COPB1: variants seen among roughly 807,000 people sequenced by gnomAD.
COPB1 encodes the protein coat protein complex I subunit beta 1.
A neutral mutation model predicts 108.7 loss-of-function variants in COPB1; 21 were observed. That is an observed-to-expected ratio of 0.19 (90% CI 0.14 to 0.28). The LOEUF is 0.28. Ranked by LOEUF, COPB1 falls within the 10% of genes least tolerant of loss-of-function variation. COPB1 has a pLI of 1.00. For missense variants in COPB1, 919 were observed against 1,141.3 expected (o/e 0.81, Z 2.81); for synonymous variants, 378 against 386.8 (o/e 0.98, Z 0.27).
intron 6 of COPB1, among the ~76,000 whole-genome samples, chr11:14,488,225 CAAT>C (rs1850820257): frequency 1.3e-5 from 2 of 152,058 alleles, no homozygotes; most frequent in African/African-American, 4.8e-5. Context: ...GGGAAGTTCA[CAAT>C]GATTTATGTG....
chr11:14,489,428 G>A (rs1251615229), intron 5 of COPB1, among the ~76,000 whole-genome samples: 2 of 152,188 alleles, frequency 1.3e-5, no homozygotes, highest in African/African-American at 2.4e-5. Context: ...GTACATCTAC[G>A]TTCACAATAG....
At chr11:14,481,349 C>G (rs1385607052) in intron 8 of COPB1, among the ~76,000 whole-genome samples, 1 of 152,202 alleles carries the variant, frequency 6.6e-6, no homozygotes, top group Non-Finnish European at 1.5e-5. Context: ...CTCCAACTTA[C>G]AGTTTATAGA....
At chr11:14,459,517 A>AT (rs1239641656) in intron 20 of COPB1, among the ~76,000 whole-genome samples, 1 of 152,184 alleles carries the variant, frequency 6.6e-6, no homozygotes, top group Admixed American at 6.5e-5. Context: ...AAGTCACAGT[A>AT]TAACAACGAT....
rs539513703 is a variant in COPB1 at position 14,481,598 on chromosome 11, T to C, written c.958-501A>G. 1.3e-3 allele frequency among the ~76,000 whole-genome samples: 192 copies of C among 152,332 alleles called. 2 individuals are homozygous for C. Among genetic ancestry groups the C allele is most frequent in the Non-Finnish European group, 8.1e-4 (55 of 68,034 alleles). On this transcript the variant is annotated intron_variant, in intron 8 of 21. Transcript: ENST00000439561. ...TGGGATAACTGGGAAAATCTACATA[T>C]AGACTTGGTATTAGATAACATTCAT...
chr11:14,462,607 T>C (rs1485178487), intron 18 of COPB1, among the ~76,000 whole-genome samples: 1 of 152,174 alleles, frequency 6.6e-6, no homozygotes, highest in Non-Finnish European at 1.5e-5. Flanking sequence ...ATAAGCTCCT[T>C]TAATTTTCAG....
intron 18 of COPB1, among the ~76,000 whole-genome samples, chr11:14,462,706 T>G (rs1161762923): frequency 6.6e-6 from 1 of 152,192 alleles, no homozygotes; most frequent in Non-Finnish European, 1.5e-5. Flanking sequence ...CCTCATTTCT[T>G]CAAGATTAAT....
intron 6 of COPB1, 120 bp from the exon 7 acceptor site, chr11:14,486,624 T>C (rs1850782596): frequency 3.3e-6 from 4 of 1,194,286 alleles, no homozygotes; most frequent in Admixed American, 4.5e-5. Context: ...CTAAGAACAG[T>C]CTTATGAGGA....
At chr11:14,480,737 T>G in intron 10 of COPB1, 22 bp downstream of exon 10, 1 of 1,585,062 alleles carries the variant, frequency 6.3e-7, no homozygotes, top group South Asian at 1.2e-5. Flanking sequence ...ATTTCAAAAT[T>G]AAAGTCATCA....
chr11:14,485,639 G>A (rs1394991595), intron 7 of COPB1, among the ~76,000 whole-genome samples: 3 of 152,156 alleles, frequency 2.0e-5, no homozygotes, highest in African/African-American at 7.2e-5. Flanking sequence ...TTGAGGTCAG[G>A]AGTTCAAGAC....
At position 14,468,818 on chromosome 11, in the gene COPB1, G is replaced by A; in HGVS notation, c.2008C>T (p.Pro670Ser). The change falls in exon 16 of 22, where the codon CCC becomes TCC. Residue 670 changes from proline to serine, a missense_variant. By Grantham distance (74) the Pro-to-Ser change is moderately conservative (BLOSUM62 -1). Transcript: ENST00000439561. Reference sequence around the variant, plus strand: ...GCAGTTAGTTGCATGAAGGAAATGGGGTCATCAGGCTGTACTGTCACATTC... The same window carrying A: ...GCAGTTAGTTGCATGAAGGAAATGGAGTCATCAGGCTGTACTGTCACATTC... ...KRNVTVQPDD[P>S]ISFMQLTAKN... is the part of the protein sequence containing the mutation. 1.2e-6 allele frequency: 2 copies of A among 1,613,904 alleles called. No individual in the cohort carries two copies. Among genetic ancestry groups the A allele is most frequent in the Non-Finnish European group, 8.5e-7 (1 of 1,179,862 alleles).
intron 19 of COPB1, 54 bp from the exon 20 acceptor site, chr11:14,460,351 T>C: frequency 8.9e-7 from 1 of 1,126,796 alleles, no homozygotes; most frequent in East Asian, 2.4e-5. Flanking sequence ...ATGAGAAAGC[T>C]GTGAATCACC....
At chr11:14,494,795 TATTA>T (rs1850981351) in intron 2 of COPB1, 1 of 166,102 alleles carries the variant, frequency 6.0e-6, no homozygotes, top group Non-Finnish European at 1.3e-5. Context: ...AAATACATAC[TATTA>T]ATTGATTTTG....
chr11:14,499,115 T>C (rs572535617), intron 1 of COPB1, 130 bp from the exon 2 acceptor site: 2 of 524,964 alleles, frequency 3.8e-6, no homozygotes, highest in East Asian at 6.4e-5. Flanking sequence ...AAAAATAAAT[T>C]CTAGTAAAAA....
chr11:14,469,892 T>G (rs1850365054), intron 14 of COPB1, among the ~76,000 whole-genome samples: 1 of 152,214 alleles, frequency 6.6e-6, no homozygotes, highest in Non-Finnish European at 1.5e-5. Flanking sequence ...AATGATATAC[T>G]TTACCAATTG....
Position 14,479,720 on chromosome 11 carries a change from A to AC in COPB1, c.1213-7_1213-6insG. 8 of 1,556,744 alleles carry AC rather than the reference A, an allele frequency of 5.1e-6. No homozygotes were observed. The highest frequency in any genetic ancestry group is 5.2e-6 in the Non-Finnish European group (6 of 1,157,754). On this transcript the variant is annotated splice_region_variant and splice_polypyrimidine_tract_variant and intron_variant, in intron 10 of 21. Coordinates refer to ENST00000439561, the MANE Select transcript of COPB1 (RefSeq NM_001144061.2). ...TCACTGAGAAATTCCATTAACTAAAAGAAAAAAAAAAAAAAGAAAATGGAA... is the reference window on the plus strand; with the variant it reads ...TCACTGAGAAATTCCATTAACTAAAACGAAAAAAAAAAAAAAGAAAATGGAA...
At chr11:14,467,473 C>A (rs1484641851) in intron 16 of COPB1, among the ~76,000 whole-genome samples, 1 of 152,020 alleles carries the variant, frequency 6.6e-6, no homozygotes, top group East Asian at 1.9e-4. Context: ...ATGAAAAACA[C>A]AATGGAGGTT....
intron 7 of COPB1, 72 bp from the exon 8 acceptor site, chr11:14,483,223 GCA>G (rs1355350529): frequency 2.1e-6 from 2 of 938,490 alleles, no homozygotes; most frequent in South Asian, 3.5e-5. Context: ...GCATGCGCGC[GCA>G]CACCACACAC....
At chr11:14,459,665 G>A (rs1453948085) in intron 20 of COPB1, among the ~76,000 whole-genome samples, 1 of 152,146 alleles carries the variant, frequency 6.6e-6, no homozygotes, top group African/African-American at 2.4e-5. Flanking sequence ...ACCCACGCTG[G>A]AATGCAGTGG....
At position 14,469,419 on chromosome 11, in the gene COPB1, T is replaced by C. The variant is rs769349616; in HGVS notation, c.1882A>G (p.Asn628Asp). The C allele has an allele frequency of 1.9e-6, 3 of 1,614,144 alleles. No homozygotes were observed. Among genetic ancestry groups the C allele is most frequent in the Non-Finnish European group, 2.5e-6 (3 of 1,180,004 alleles). ...KVLSECSPLM[N>D]DIFNKECRQS... ...CTGCATTCCTTATTGAAAATGTCATTCATTAAAGGTGAACATTCAGACAAG... is the reference window on the plus strand; with the variant it reads ...CTGCATTCCTTATTGAAAATGTCATCCATTAAAGGTGAACATTCAGACAAG... The change falls in exon 15 of 22, where the codon AAT (asparagine) becomes GAT (aspartate). Residue 628 changes from asparagine to aspartate, a missense_variant. By Grantham distance (23) the Asn-to-Asp change is conservative (BLOSUM62 1). Coordinates refer to ENST00000439561, the MANE Select transcript of COPB1 (RefSeq NM_001144061.2).
Sources: gnomAD v4.1 joint callset for allele counts (sites outside exome capture counted in the v4.1 genomes callset) on GRCh38, gnomAD v4.1.1 for gene constraint, MANE v1.5 for transcripts, NCBI Gene and HGNC (gene_info 2026-07-23, HGNC 2026-07-21) for gene names.